PTP4A3: variants seen among roughly 807,000 people sequenced by gnomAD.
The protein encoded by PTP4A3 is protein tyrosine phosphatase type IVA 3.
In PTP4A3, 9 loss-of-function variants were observed where a neutral mutation model predicts 15.2. The observed-to-expected ratio is 0.59, with a 90% CI of 0.36 to 1.03. PTP4A3 has a LOEUF of 1.03. PTP4A3 is among the 50% of genes least tolerant of loss of function. PTP4A3 has a pLI of 0.02. For synonymous variants in PTP4A3, 95 were observed against 102.0 expected (o/e 0.93, Z 0.41); for missense variants, 234 against 252.1 (o/e 0.93, Z 0.49).
chr8:141,401,269 C>A (rs1832582560), intron 1 of PTP4A3, among the ~76,000 whole-genome samples: 1 of 152,156 alleles, frequency 6.6e-6, no homozygotes, highest in African/African-American at 2.4e-5. Flanking sequence ...CTGGCACCTG[C>A]ACATCTGCAC....
intron 1 of PTP4A3, among the ~76,000 whole-genome samples, chr8:141,415,239 C>T (rs1035720051): frequency 1.3e-5 from 2 of 152,074 alleles, no homozygotes; most frequent in Admixed American, 1.3e-4. Flanking sequence ...AGGAACGGGC[C>T]CTGGGACCCT....
At chr8:141,410,142 G>A (rs897474405) in intron 1 of PTP4A3, among the ~76,000 whole-genome samples, 1 of 152,228 alleles carries the variant, frequency 6.6e-6, no homozygotes, top group African/African-American at 2.4e-5. Flanking sequence ...GCCATGGCCT[G>A]GGCTGTCTGA....
At chr8:141,400,985 C>T (rs1164274912) in intron 1 of PTP4A3, among the ~76,000 whole-genome samples, 5 of 152,050 alleles carry the variant, frequency 3.3e-5, no homozygotes, top group Admixed American at 2.6e-4. Context: ...GAGTCATGCA[C>T]GAGGCACCAG....
rs372422556 is a variant in PTP4A3 at position 141,416,349 on chromosome 8, GA to G, written c.-853-5037del. Among the ~76,000 whole-genome samples the G allele has an allele frequency of 2.6e-4, 39 of 152,312 alleles. No individual in the cohort carries two copies. In the East Asian group the frequency reaches 6.9e-3, roughly 27 times the overall value. ...TTCTGCCTTCTGGCTGTGTGACTCA[GA>G]AGGGTTGCTCAGCTTCTCTGTGCTG... On this transcript the variant is annotated intron_variant, in intron 1 of 5. Transcript: ENST00000521578.
At chr8:141,397,536 G>A (rs867563493) in intron 1 of PTP4A3, among the ~76,000 whole-genome samples, 2 of 152,216 alleles carry the variant, frequency 1.3e-5, no homozygotes, top group Non-Finnish European at 2.9e-5. Context: ...CATGCTCCCC[G>A]CTGGCCTCAG....
chr8:141,428,145 C>A (rs938932275), intron 5 of PTP4A3, among the ~76,000 whole-genome samples: 1 of 152,098 alleles, frequency 6.6e-6, no homozygotes, highest in Non-Finnish European at 1.5e-5. Flanking sequence ...CCAGCCAGTT[C>A]AGTCCCTCCA....
intron 1 of PTP4A3, among the ~76,000 whole-genome samples, chr8:141,396,580 A>G (rs942898884): frequency 6.6e-6 from 1 of 152,054 alleles, no homozygotes; most frequent in African/African-American, 2.4e-5. Flanking sequence ...GACAGTCCCG[A>G]GCCCTGCCCC....
chr8:141,425,063 G>C lies in PTP4A3; in HGVS notation c.121G>C (p.Gly41Arg), dbSNP rs762411211. ...STFIEDLKKY[G>R]ATTVVRVCEV... ...CCACCCCCAGGACCTGAAGAAGTAC[G>C]GGGCTACCACTGTGGTGCGTGTGTG... Residue 41 changes from glycine to arginine, a missense_variant, in exon 3 of 6, where the codon GGG becomes CGG. Transcript: ENST00000521578. The surrounding 1 kb of genome is among the most constrained non-coding windows in gnomAD (Gnocchi z 4.2). 29 of 1,613,018 alleles carry C rather than the reference G, an allele frequency of 1.8e-5. No homozygotes were observed. The highest frequency in any genetic ancestry group is 2.4e-5 in the Non-Finnish European group (28 of 1,179,786).
chr8:141,427,763 G>C lies in PTP4A3; in HGVS notation c.343G>C (p.Val115Leu). The change falls in exon 5 of 6, where the codon GTG becomes CTG. Residue 115 changes from valine to leucine, a missense_variant. Transcript: ENST00000521578. ...GTTTGCCCCCAGGGCTCCAGTCCTT[G>C]TGGCGCTGGCCCTTATTGAGAGCGG... ...VAGLGRAPVLVALALIESGMK... is the reference protein window; with the variant it reads ...VAGLGRAPVLLALALIESGMK... 1 of 1,551,324 alleles carries C rather than the reference G, an allele frequency of 6.4e-7. No individual in the cohort carries two copies. The highest frequency in any genetic ancestry group is 8.7e-7 in the Non-Finnish European group (1 of 1,147,352).
intron 1 of PTP4A3, among the ~76,000 whole-genome samples, chr8:141,419,925 C>T (rs532312296): frequency 6.6e-6 from 1 of 152,324 alleles, no homozygotes; most frequent in African/African-American, 2.4e-5. Flanking sequence ...TGGACAGAGC[C>T]TGAGGTGTGG....
At chr8:141,396,740 C>A (rs960521319) in intron 1 of PTP4A3, among the ~76,000 whole-genome samples, 1 of 152,184 alleles carries the variant, frequency 6.6e-6, no homozygotes, top group African/African-American at 2.4e-5. Context: ...TTGGCCACGC[C>A]AGCTTGGTCA....
chr8:141,403,462 C>T (rs57731104), intron 1 of PTP4A3, among the ~76,000 whole-genome samples: 2,929 of 152,316 alleles, frequency 0.019, 110 homozygotes, highest in African/African-American at 0.067. Flanking sequence ...GTCCTCACAT[C>T]ACATCATCCA....
At chr8:141,411,749 C>A (rs1291598013) in intron 1 of PTP4A3, among the ~76,000 whole-genome samples, 1 of 152,248 alleles carries the variant, frequency 6.6e-6, no homozygotes, top group African/African-American at 2.4e-5. Flanking sequence ...CCCTTCCTGT[C>A]CCCGACCCCA....
At chr8:141,408,983 A>C (rs1429429561) in intron 1 of PTP4A3, among the ~76,000 whole-genome samples, 1 of 152,218 alleles carries the variant, frequency 6.6e-6, no homozygotes, top group Non-Finnish European at 1.5e-5. Flanking sequence ...GTGTAGTGTC[A>C]CCACGCCCTG....
At position 141,422,247 on chromosome 8, in the gene PTP4A3, C is replaced by G. The variant is rs371648082; in HGVS notation, c.7C>G (p.Arg3Gly). The part of the protein sequence containing the change: MA[R>G]MNRPAPVEVS... ...GGGCCCGTCGGGAGGCGCCATGGCT[C>G]GGATGAACCGCCCGGCCCCGGTGGA... The change falls in exon 2 of 6, where the codon CGG becomes GGG. Residue 3 changes from arginine to glycine, a missense_variant. Physicochemically the swap from Arg to Gly is moderately radical, Grantham distance 125. Coordinates refer to ENST00000521578, the MANE Select transcript of PTP4A3 (RefSeq NM_032611.3). 2.5e-6 allele frequency: 4 copies of G among 1,612,860 alleles called. No homozygotes were observed. Among genetic ancestry groups the G allele is most frequent in the Middle Eastern group, 1.6e-4 (1 of 6,082 alleles).
chr8:141,428,385 A>C (rs1833685432), intron 5 of PTP4A3, among the ~76,000 whole-genome samples: 1 of 148,738 alleles, frequency 6.7e-6, no homozygotes, highest in South Asian at 2.1e-4. Flanking sequence ...CCATCTGCCC[A>C]CTGCCCAGGG....
chr8:141,428,587 G>C (rs987717097), intron 5 of PTP4A3, among the ~76,000 whole-genome samples: 6 of 152,208 alleles, frequency 3.9e-5, no homozygotes, highest in Admixed American at 2.6e-4. Flanking sequence ...AGCCATGCCA[G>C]CTGGCCCTGT....
chr8:141,431,382 G>T lies in PTP4A3; in HGVS notation c.*338G>T. On this transcript the variant is annotated 3_prime_UTR_variant, in exon 6 of 6. Transcript: ENST00000521578. ...CTCTAGCCTGTTTGTTGTGGGGTGG[G>T]GGTATATTTTGTAACCACTGGGCCC... The T allele has an allele frequency of 2.9e-6, 1 of 342,680 alleles. No homozygotes were observed. The allele number at this position is 342,680 out of a possible 1,614,324, so 21.2% of individuals were successfully genotyped here. A position where few individuals can be genotyped will look rare whatever the true frequency, so the allele number is the denominator to read the frequency against.
chr8:141,400,215 C>T (rs1215353257), intron 1 of PTP4A3, among the ~76,000 whole-genome samples: 1 of 151,730 alleles, frequency 6.6e-6, no homozygotes, highest in African/African-American at 2.4e-5. Context: ...TGGCCTGCCT[C>T]TGCGCCTGGC....
Sources: allele counts gnomAD v4.1 joint callset (sites outside exome capture counted in the v4.1 genomes callset), GRCh38; gene constraint gnomAD v4.1.1; non-coding constraint Gnocchi (gnomAD v3.1); transcripts MANE v1.5; gene names NCBI Gene and HGNC (gene_info 2026-07-23, HGNC 2026-07-21).